The following TFB1M variants were observed in gnomAD, a reference collection of about 807,000 sequenced individuals.
The protein encoded by TFB1M is transcription factor B1, mitochondrial.
TFB1M carries 27 observed loss-of-function variants against 31.1 expected under a neutral mutation model. That is an observed-to-expected ratio of 0.87 (90% CI 0.64 to 1.20). TFB1M has a LOEUF of 1.20. TFB1M is among the 50% of genes most tolerant of loss of function. The pLI, the probability that TFB1M is intolerant of heterozygous loss-of-function variation, is 0.00. For synonymous variants in TFB1M, 166 were observed against 151.8 expected (o/e 1.09, Z -0.69); for missense variants, 394 against 418.7 (o/e 0.94, Z 0.51).
At chr6:155,272,966 T>C (rs1785002833) in intron 5 of TFB1M, among the ~76,000 whole-genome samples, 1 of 152,078 alleles carries the variant, frequency 6.6e-6, no homozygotes, top group African/African-American at 2.4e-5. Flanking sequence ...GGTTATTCAG[T>C]CAAAGTAGAA....
intron 5 of TFB1M, among the ~76,000 whole-genome samples, chr6:155,263,431 G>C (rs866236180): frequency 6.6e-6 from 1 of 152,098 alleles, no homozygotes; most frequent in South Asian, 2.1e-4. Flanking sequence ...TCAAATGAAA[G>C]GATTTAAAAT....
At chr6:155,314,260 G>C (rs1251342737) in intron 1 of TFB1M, 36 bp downstream of exon 1, 1 of 1,610,638 alleles carries the variant, frequency 6.2e-7, no homozygotes, top group Non-Finnish European at 8.5e-7. Context: ...CACGGACACT[G>C]GGGAGACATC....
chr6:155,250,694 C>T, the TFB1M span: 1 of 1,374,416 alleles, frequency 7.3e-7, no homozygotes, highest in Non-Finnish European at 1.0e-6. Flanking sequence ...TGCACTGGAG[C>T]AAAATGCCTT....
At chr6:155,240,655 C>T in the TFB1M span, 1 of 1,613,990 alleles carries the variant, frequency 6.2e-7, no homozygotes, top group Non-Finnish European at 8.5e-7. Context: ...CTGATGCAGA[C>T]CGCCTCCGCA....
intron 6 of TFB1M, among the ~76,000 whole-genome samples, chr6:155,259,133 CT>C (rs1183915572): frequency 2.0e-5 from 3 of 152,134 alleles, no homozygotes; most frequent in Admixed American, 6.5e-5. Flanking sequence ...TTTGTGCTCC[CT>C]CCTCCCCCAT....
At chr6:155,260,018 G>C (rs545552020) in intron 6 of TFB1M, among the ~76,000 whole-genome samples, 1 of 152,318 alleles carries the variant, frequency 6.6e-6, no homozygotes, top group East Asian at 1.9e-4. Context: ...CGAGCTCCCT[G>C]GTACAGAGCC....
chr6:155,268,968 G>GAAAAAAAAAAAAAAAAAAAAAAAAAAAAA (rs1165731413), intron 5 of TFB1M, among the ~76,000 whole-genome samples: 1 of 95,024 alleles, frequency 1.1e-5, no homozygotes, highest in African/African-American at 4.2e-5. Flanking sequence ...AAAGAAAAAA[G>GAAAAAAAAAAAAAAAAAAAAAAAAAAAAA]AAAAAAAATT....
chr6:155,254,405 C>A (rs536446786), downstream of TFB1M: 4 of 1,559,744 alleles, frequency 2.6e-6, no homozygotes, highest in East Asian at 2.2e-5. Context: ...TGTTTTCTCT[C>A]CCCCCCCACC....
At chr6:155,272,018 A>G (rs1784942445) in intron 5 of TFB1M, among the ~76,000 whole-genome samples, 1 of 152,210 alleles carries the variant, frequency 6.6e-6, no homozygotes, top group Non-Finnish European at 1.5e-5. Context: ...TTTACCTCTC[A>G]GATTTCTACG....
At chr6:155,246,970 C>T in the TFB1M span, among the ~76,000 whole-genome samples, 4 of 152,216 alleles carry the variant, frequency 2.6e-5, no homozygotes, top group African/African-American at 4.8e-5. Flanking sequence ...CCGCTGGTAC[C>T]CAAACCAAAT....
At chr6:155,307,292 T>C (rs150998835) in intron 2 of TFB1M, among the ~76,000 whole-genome samples, 1 of 152,172 alleles carries the variant, frequency 6.6e-6, no homozygotes, top group Non-Finnish European at 1.5e-5. Flanking sequence ...CTGCTGCTCA[T>C]AAAGACATTC....
the TFB1M span, among the ~76,000 whole-genome samples, chr6:155,230,739 T>C: frequency 6.6e-6 from 1 of 152,186 alleles, no homozygotes; most frequent in Non-Finnish European, 1.5e-5. Flanking sequence ...GCATTTATTA[T>C]ACATGTAGTT....
intron 2 of TFB1M, chr6:155,303,534 T>G (rs998839981): frequency 1.3e-5 from 2 of 152,242 alleles, no homozygotes; most frequent in Non-Finnish European, 2.9e-5. Flanking sequence ...TTGTTGAGTT[T>G]TGTCTATGTT....
chr6:155,257,942 T>A lies in TFB1M; in HGVS notation c.935A>T (p.Asp312Val). The change falls in exon 7 of 7, where the codon GAT becomes GTT. Residue 312 changes from aspartate (D) to valine (V), a missense_variant. Asp to Val is a radical substitution (Grantham distance 152). Transcript: ENST00000367166. Reference protein sequence around the residue: ...SLCDVYRKMCDEDPQLFAYNF... With the variant: ...SLCDVYRKMCVEDPQLFAYNF... ...ATATGCAAAGAGTTGTGGGTCTTCA[T>A]CACACATTTTTCTGTATACATCACA... 6.2e-7 allele frequency: 1 copy of A among 1,614,224 alleles called. No homozygotes were observed. The highest frequency in any genetic ancestry group is 8.5e-7 in the Non-Finnish European group (1 of 1,180,032).
downstream of TFB1M, chr6:155,254,682 G>A (rs895824452): frequency 7.9e-6 from 11 of 1,396,932 alleles, no homozygotes; most frequent in Non-Finnish European, 9.8e-6. Context: ...AAGTCATCGA[G>A]GTACCTTTAT....
chr6:155,254,256 T>G (rs2115365458), downstream of TFB1M: 2 of 1,039,906 alleles, frequency 1.9e-6, no homozygotes, highest in Non-Finnish European at 2.8e-6. Context: ...GAGTGATCAA[T>G]TCTCACCTCC....
chr6:155,244,786 A>G, the TFB1M span: 1 of 1,603,300 alleles, frequency 6.2e-7, no homozygotes, highest in Middle Eastern at 1.7e-4. Context: ...AGTTTAGAGT[A>G]AGTATCTCAG....
chr6:155,231,900 C>G, the TFB1M span, among the ~76,000 whole-genome samples: 1 of 152,162 alleles, frequency 6.6e-6, no homozygotes, highest in Non-Finnish European at 1.5e-5. Context: ...CATGATGAAA[C>G]TGAAACCCTG....
At chr6:155,287,126 A>T (rs1189776408) in intron 4 of TFB1M, among the ~76,000 whole-genome samples, 3 of 152,132 alleles carry the variant, frequency 2.0e-5, no homozygotes, top group African/African-American at 7.2e-5. Context: ...TAAAAAAAAA[A>T]CCTAACAGAA....
Sources: allele counts gnomAD v4.1 joint callset (sites outside exome capture counted in the v4.1 genomes callset), GRCh38; gene constraint gnomAD v4.1.1; transcripts MANE v1.5; gene names NCBI Gene and HGNC (gene_info 2026-07-23, HGNC 2026-07-21).